SH3GL2: variants seen among roughly 807,000 people sequenced by gnomAD.
SH3GL2 encodes the protein endophilin-A1.
A neutral mutation model predicts 46.0 loss-of-function variants in SH3GL2; 24 were observed. The observed-to-expected ratio is 0.52, with a 90% CI of 0.38 to 0.73. SH3GL2 has a LOEUF of 0.73. SH3GL2 is among the 30% of genes least tolerant of loss of function. The pLI, the probability that SH3GL2 is intolerant of heterozygous loss-of-function variation, is 0.00. For synonymous variants in SH3GL2, 196 were observed against 147.1 expected (o/e 1.33, Z -2.40); for missense variants, 413 against 424.2 (o/e 0.97, Z 0.23).
chr9:17,778,346 A>G lies in SH3GL2; in HGVS notation c.188-8035A>G, dbSNP rs575491375. Among the ~76,000 whole-genome samples the G allele has an allele frequency of 7.3e-4, 111 of 152,322 alleles. 4 individuals carry two copies. In the South Asian group the frequency reaches 0.022, roughly 31 times the overall value. On this transcript the variant is annotated intron_variant, in intron 3 of 8. Transcript: ENST00000380607. The stretch of plus-strand genomic sequence containing the variant: ...CTCATGGAGCCTATACTCTGGAAGG[A>G]TGAGACTGATAGAGAATAATACCTA...
chr9:17,701,444 C>A (rs1202514102), intron 1 of SH3GL2, among the ~76,000 whole-genome samples: 1 of 151,962 alleles, frequency 6.6e-6, no homozygotes, highest in Non-Finnish European at 1.5e-5. Flanking sequence ...TATCGTGTAT[C>A]ATTTGGGGCC....
At chr9:17,602,720 A>T (rs1473828835) in intron 1 of SH3GL2, among the ~76,000 whole-genome samples, 1 of 152,188 alleles carries the variant, frequency 6.6e-6, no homozygotes, top group Non-Finnish European at 1.5e-5. Context: ...GGGAAGATGG[A>T]GTGGGAATAA....
In SH3GL2 at chr9:17,709,021, T is replaced by G. The variant is rs184886460; in HGVS notation, c.46-38045T>G. Among the ~76,000 whole-genome samples the G allele has an allele frequency of 5.9e-5, 9 of 152,160 alleles. No individual in the cohort carries two copies. In the East Asian group the frequency reaches 1.5e-3, roughly 26 times the overall value. On this transcript the variant is annotated intron_variant, in intron 1 of 8. Coordinates refer to ENST00000380607, the MANE Select transcript of SH3GL2 (RefSeq NM_003026.5). ...TCAGCAATTGATTTTGTTGCCTTGA[T>G]ATACTTTTATTTGTCAGTTTATTTC...
chr9:17,666,387 T>G (rs976060254), intron 1 of SH3GL2, among the ~76,000 whole-genome samples: 1 of 152,112 alleles, frequency 6.6e-6, no homozygotes, highest in African/African-American at 2.4e-5. Context: ...TCTAATTCTT[T>G]CAGTTTCTCT....
At chr9:17,736,108 C>A (rs1412736934) in intron 1 of SH3GL2, among the ~76,000 whole-genome samples, 2 of 152,066 alleles carry the variant, frequency 1.3e-5, no homozygotes, top group Non-Finnish European at 2.9e-5. Flanking sequence ...CAGTGCATAG[C>A]CTTCTTAAGC....
chr9:17,682,386 G>C (rs865857189), intron 1 of SH3GL2, among the ~76,000 whole-genome samples: 7 of 152,164 alleles, frequency 4.6e-5, no homozygotes, highest in Non-Finnish European at 4.4e-5. Flanking sequence ...GCTATGTGAA[G>C]GAATGAGATC....
intron 2 of SH3GL2, chr9:17,755,740 T>C (rs1822969202): frequency 1.0e-6 from 1 of 980,846 alleles, no homozygotes. Flanking sequence ...ATCATATCTT[T>C]CAGTCCTTTT....
chr9:17,737,428 T>C (rs1476654936), intron 1 of SH3GL2, among the ~76,000 whole-genome samples: 1 of 152,166 alleles, frequency 6.6e-6, no homozygotes, highest in Non-Finnish European at 1.5e-5. Flanking sequence ...ATGTAGTTCC[T>C]ATTATCTGAT....
At position 17,673,933 on chromosome 9, in the gene SH3GL2, C is replaced by G. The variant is rs148939342; in HGVS notation, c.46-73133C>G. Among the ~76,000 whole-genome samples the G allele has an allele frequency of 2.8e-3, 419 of 152,318 alleles. 2 individuals are homozygous for G. Among genetic ancestry groups the G allele is most frequent in the African/African-American group, 7.8e-3 (323 of 41,572 alleles). The stretch of plus-strand genomic sequence containing the variant: ...TCCATAGGGCATCCTGTGTCTATCT[C>G]TATGATAGATCCTTGCCCACTTTAT... On this transcript the variant is annotated intron_variant, in intron 1 of 8. Transcript: ENST00000380607.
At chr9:17,751,607 T>G (rs1822848491) in intron 2 of SH3GL2, among the ~76,000 whole-genome samples, 1 of 152,096 alleles carries the variant, frequency 6.6e-6, no homozygotes, top group South Asian at 2.1e-4. Context: ...GCTAGTTCCC[T>G]CCCATCATGT....
At chr9:17,775,438 G>C (rs185608808) in intron 3 of SH3GL2, among the ~76,000 whole-genome samples, 31 of 152,124 alleles carry the variant, frequency 2.0e-4, no homozygotes, top group Non-Finnish European at 3.8e-4. Context: ...AAACCCATCT[G>C]TTGTGTTTTG....
intron 6 of SH3GL2, chr9:17,789,973 T>C (rs10122224): frequency 0.56 from 87,524 of 157,262 alleles, 25,212 homozygotes; most frequent in East Asian, 0.87. Flanking sequence ...ATCTCTCTTA[T>C]CAATAGTGGG....
intron 2 of SH3GL2, 63 bp downstream of exon 2, chr9:17,747,197 G>A: frequency 9.3e-7 from 1 of 1,079,366 alleles, no homozygotes; most frequent in Middle Eastern, 2.0e-4. Context: ...AATTAGAGGA[G>A]AAGAGAAAAC....
rs551792437 is a variant in SH3GL2, at chr9:17,727,217, G to T, written c.46-19849G>T. ...AGAAGGTTGTATAAGGTTGTATGCG[G>T]TATAGTATTTTATACTGTTTATGTA... On this transcript the variant is annotated intron_variant, in intron 1 of 8. Coordinates refer to ENST00000380607, the MANE Select transcript of SH3GL2 (RefSeq NM_003026.5). 1.0e-3 allele frequency among the ~76,000 whole-genome samples: 153 copies of T among 152,238 alleles called. 1 individual carries two copies. Among genetic ancestry groups the T allele is most frequent in the African/African-American group, 3.5e-3 (145 of 41,548 alleles).
intron 1 of SH3GL2, among the ~76,000 whole-genome samples, chr9:17,707,408 A>G (rs1821498646): frequency 6.6e-6 from 1 of 151,972 alleles, no homozygotes; most frequent in African/African-American, 2.4e-5. Context: ...AGGGCTGTCC[A>G]TTATCTTTTA....
At chr9:17,666,774 T>A (rs1053331724) in intron 1 of SH3GL2, among the ~76,000 whole-genome samples, 1 of 152,130 alleles carries the variant, frequency 6.6e-6, no homozygotes, top group Non-Finnish European at 1.5e-5. Flanking sequence ...GGTAACTTCC[T>A]GGAAGTAATA....
chr9:17,655,004 A>G (rs552520599), intron 1 of SH3GL2, among the ~76,000 whole-genome samples: 7 of 152,328 alleles, frequency 4.6e-5, no homozygotes, highest in South Asian at 4.1e-4. Flanking sequence ...GCAGTTGTTC[A>G]TAGATCAAAT....
At chr9:17,644,038 G>A (rs983821087) in intron 1 of SH3GL2, among the ~76,000 whole-genome samples, 13 of 152,208 alleles carry the variant, frequency 8.5e-5, no homozygotes, top group African/African-American at 2.9e-4. Flanking sequence ...TCAGGGATTT[G>A]ACTTCTTCCT....
At chr9:17,651,171 A>G (rs573975274) in intron 1 of SH3GL2, among the ~76,000 whole-genome samples, 1 of 151,614 alleles carries the variant, frequency 6.6e-6, no homozygotes, top group Non-Finnish European at 1.5e-5. Context: ...CTTTTGCTTT[A>G]TTTTCTTGAA....
Sources: gnomAD v4.1 joint callset for allele counts (sites outside exome capture counted in the v4.1 genomes callset) on GRCh38, gnomAD v4.1.1 for gene constraint, MANE v1.5 for transcripts, NCBI Gene and HGNC (gene_info 2026-07-23, HGNC 2026-07-21) for gene names.